Variants in DENND2B observed in about 807,000 individuals in gnomAD.
DENND2B encodes the protein DENN domain-containing protein 2B.
A neutral mutation model predicts 116.0 loss-of-function variants in DENND2B; 32 were observed. That is an observed-to-expected ratio of 0.28 (90% CI 0.21 to 0.37). The LOEUF is 0.37. DENND2B is among the 10% of genes least tolerant of loss of function. The probability of loss-of-function intolerance (pLI) is 1.00; values close to 1 mark genes in which losing one functional copy is unlikely to be tolerated. For missense variants in DENND2B, 1,276 were observed against 1,477.7 expected, an observed-to-expected ratio of 0.86 and a Z score of 2.24; for synonymous variants, 588 against 583.9, an observed-to-expected ratio of 1.01 and a Z score of -0.10.
At chr11:8,850,860 A>C (rs1400150989) in intron 3 of DENND2B, among the ~76,000 whole-genome samples, 1 of 152,188 alleles carries the variant, frequency 6.6e-6, no homozygotes, top group African/African-American at 2.4e-5. Context: ...AAAAGAAGGA[A>C]ATCTTGTCAC....
At chr11:8,765,855 T>C (rs1456345657) in intron 1 of DENND2B, among the ~76,000 whole-genome samples, 1 of 152,214 alleles carries the variant, frequency 6.6e-6, no homozygotes. Flanking sequence ...CTGGCCAACA[T>C]GGTGAAACCC....
chr11:8,907,154 C>A (rs983754287), intron 1 of DENND2B, among the ~76,000 whole-genome samples: 4 of 152,218 alleles, frequency 2.6e-5, no homozygotes, highest in Admixed American at 6.5e-5. Flanking sequence ...AACTAACTTT[C>A]ATCTGTTCTC....
rs1336723918 is a variant in DENND2B, at chr11:8,905,003, A to T, written c.-256+5818T>A. 6.6e-5 allele frequency among the ~76,000 whole-genome samples: 10 copies of T among 152,164 alleles called. No individual in the cohort carries two copies. The East Asian group carries it at 1.9e-3, about 29-fold the overall frequency. On this transcript the variant is annotated intron_variant, in intron 1 of 22. Transcript: ENST00000534127. ...TCAATTAATCTGTGAATTCAATATA[A>T]TCTCTATCAAAACATCAACAGTTGT...
At chr11:8,814,055 G>A (rs1377390941), upstream of DENND2B, among the ~76,000 whole-genome samples, 1 of 152,068 alleles carries the variant, frequency 6.6e-6, no homozygotes. Flanking sequence ...CCAGAAACCT[G>A]GGAGACATCC....
intron 4 of DENND2B, chr11:8,719,222 C>T (rs2045692013): frequency 1.0e-6 from 1 of 985,352 alleles, no homozygotes; most frequent in South Asian, 4.7e-5. Context: ...GAGCCAATCC[C>T]TATATGCTTG....
intron 1 of DENND2B, among the ~76,000 whole-genome samples, chr11:8,891,331 A>G (rs2064030228): frequency 6.6e-6 from 1 of 152,268 alleles, no homozygotes; most frequent in East Asian, 1.9e-4. Flanking sequence ...AACTGCATCA[A>G]CTAACAGGCA....
chr11:8,817,028 G>C (rs957666780), intron 4 of DENND2B, among the ~76,000 whole-genome samples: 1 of 152,128 alleles, frequency 6.6e-6, no homozygotes, highest in African/African-American at 2.4e-5. Context: ...AAAAAAAATG[G>C]AAGACTCAGG....
intron 13 of DENND2B, among the ~76,000 whole-genome samples, chr11:8,706,872 T>C (rs2042691685): frequency 6.6e-6 from 1 of 152,158 alleles, no homozygotes; most frequent in Admixed American, 6.5e-5. Context: ...TTAGTCCAAA[T>C]GGGTCAGGGA....
chr11:8,789,775 C>T lies in DENND2B; in HGVS notation c.-26+20742G>A, dbSNP rs373982880. ...CAACACAACAAGAGCCCCATCTCTA[C>T]AAAAAATAAAAAAATAAAAAAATAG... On this transcript the variant is annotated intron_variant, in intron 1 of 19. Coordinates refer to ENST00000313726, the MANE Select transcript of DENND2B (RefSeq NM_213618.2). 1.7e-3 allele frequency among the ~76,000 whole-genome samples: 261 copies of T among 151,508 alleles called. 1 individual carries two copies. The highest frequency in any genetic ancestry group is 5.7e-3 in the African/African-American group (235 of 41,068).
At chr11:8,715,273 T>C (rs1486377899) in intron 6 of DENND2B, among the ~76,000 whole-genome samples, 3 of 152,154 alleles carry the variant, frequency 2.0e-5, no homozygotes, top group Non-Finnish European at 1.5e-5. Context: ...GAAGAACCCT[T>C]GTTTGAGTCC....
intron 1 of DENND2B, among the ~76,000 whole-genome samples, chr11:8,773,376 G>A (rs559975482): frequency 1.3e-5 from 2 of 152,224 alleles, no homozygotes; most frequent in South Asian, 2.1e-4. Flanking sequence ...CCCCAGAGAC[G>A]CTGCCTCTGA....
chr11:8,726,241 C>A (rs769709157), intron 3 of DENND2B, 32 bp from the exon 4 acceptor site: 3 of 1,583,428 alleles, frequency 1.9e-6, no homozygotes, highest in Admixed American at 1.8e-5. Context: ...GTCATTCCTG[C>A]TGAATCAGAT....
intron 3 of DENND2B, among the ~76,000 whole-genome samples, chr11:8,727,371 C>T (rs941095579): frequency 3.9e-5 from 6 of 152,238 alleles, no homozygotes; most frequent in South Asian, 2.1e-4. Flanking sequence ...GCCCCAAGCA[C>T]TCAACACAAC....
At chr11:8,902,670 T>A (rs905170104) in intron 1 of DENND2B, among the ~76,000 whole-genome samples, 10 of 152,210 alleles carry the variant, frequency 6.6e-5, no homozygotes, top group African/African-American at 2.4e-4. Flanking sequence ...TGGTTTTCAC[T>A]GGACTACAAT....
chr11:8,827,598 T>A (rs978235191), intron 4 of DENND2B, among the ~76,000 whole-genome samples: 1 of 152,218 alleles, frequency 6.6e-6, no homozygotes, highest in Non-Finnish European at 1.5e-5. Flanking sequence ...CCAAGACAGT[T>A]ACCAAGTTAC....
chr11:8,733,838 A>G (rs189273114), intron 2 of DENND2B, among the ~76,000 whole-genome samples: 30 of 152,316 alleles, frequency 2.0e-4, no homozygotes, highest in East Asian at 1.5e-3. Flanking sequence ...CTTTCTCTCA[A>G]TGCCTACCCT....
rs774024518 is a variant in DENND2B, at chr11:8,712,728, T to C, written c.1995A>G (p.Thr665=). The part of the protein sequence containing the change: ...SDSDDRFKAH[T]QRLVHIQSML... ...TCGACTGGATGTGGACCAGGCGCTGTGTGTGGGCTGGAGGCAGGTTGCACA... is the reference window on the plus strand; with the variant it reads ...TCGACTGGATGTGGACCAGGCGCTGCGTGTGGGCTGGAGGCAGGTTGCACA... The change falls in exon 9 of 20, where the codon ACA becomes ACG. Residue 665 remains threonine (T), a synonymous_variant. Coordinates refer to ENST00000313726, the MANE Select transcript of DENND2B (RefSeq NM_213618.2). The surrounding 1 kb of genome is among the most constrained non-coding windows in gnomAD (Gnocchi z 4.4). The C allele has an allele frequency of 1.9e-6, 3 of 1,609,768 alleles. No individual in the cohort carries two copies. Among genetic ancestry groups the C allele is most frequent in the African/African-American group, 2.7e-5 (2 of 74,844 alleles).
intron 2 of DENND2B, among the ~76,000 whole-genome samples, chr11:8,742,828 G>GC (rs2050453104): frequency 6.6e-6 from 1 of 152,124 alleles, no homozygotes; most frequent in South Asian, 2.1e-4. Context: ...ACTTTGGGAG[G>GC]CTGAGATGGG....
intron 4 of DENND2B, chr11:8,831,446 C>T (rs1212137221): frequency 1.3e-5 from 2 of 152,576 alleles, no homozygotes; most frequent in Non-Finnish European, 2.9e-5. Context: ...CAGCCAGCCC[C>T]CACCATCGTC....
Sources: gnomAD v4.1 joint callset for allele counts (sites outside exome capture counted in the v4.1 genomes callset) on GRCh38, gnomAD v4.1.1 for gene constraint, Gnocchi (gnomAD v3.1) non-coding constraint, MANE v1.5 for transcripts, NCBI Gene and HGNC (gene_info 2026-07-23, HGNC 2026-07-21) for gene names.